LRP6: variants seen among roughly 807,000 people sequenced by gnomAD.
LRP6 encodes LDL receptor related protein 6, also known as low-density lipoprotein receptor-related protein 6.
LRP6 carries 43 observed loss-of-function variants against 184.1 expected under a neutral mutation model. The ratio of observed to expected loss-of-function variants is 0.23; its 90% CI spans 0.18 to 0.30. The LOEUF is 0.30. LRP6 is among the 10% of genes least tolerant of loss of function. The pLI, the probability that LRP6 is intolerant of heterozygous loss-of-function variation, is 1.00. For missense variants in LRP6, 1,571 were observed against 2,005.3 expected, an observed-to-expected ratio of 0.78 and a Z score of 4.14; for synonymous variants, 719 against 684.9, an observed-to-expected ratio of 1.05 and a Z score of -0.78.
Position 12,135,318 on chromosome 12 carries a change from G to T in LRP6, c.3608-18C>A, listed in dbSNP as rs780830479. 2.5e-6 allele frequency: 4 copies of T among 1,603,990 alleles called. No individual in the cohort carries two copies. The African/African-American group carries it at 5.4e-5, about 21-fold the overall frequency. On this transcript the variant is annotated intron_variant, in intron 16 of 22. Transcript: ENST00000261349. ...GTGCTGTCCTGCAAAGAGAAGAGGT[G>T]AGGATGGGGAGAGGAGGGGGAGTGG...
intron 2 of LRP6, chr12:12,210,893 G>A (rs1003078765): frequency 1.3e-5 from 2 of 152,198 alleles, no homozygotes; most frequent in East Asian, 1.9e-4. Context: ...CTCTTACTCC[G>A]GTTAGTAGAT....
At chr12:12,238,922 C>T (rs1864988171) in intron 2 of LRP6, among the ~76,000 whole-genome samples, 1 of 151,966 alleles carries the variant, frequency 6.6e-6, no homozygotes. Flanking sequence ...AGTAATTCAA[C>T]TCGTAAAAAA....
At chr12:12,199,994 A>AAAAAAAAAAAAAAAAAAAAAAAC (rs1863873112) in intron 3 of LRP6, among the ~76,000 whole-genome samples, 1 of 124,010 alleles carries the variant, frequency 8.1e-6, no homozygotes, top group African/African-American at 2.9e-5. Flanking sequence ...AAAAAAAAAA[A>AAAAAAAAAAAAAAAAAAAAAAAC]ACACAAGGCT....
At chr12:12,225,871 CAAAA>C (rs748835751) in intron 2 of LRP6, among the ~76,000 whole-genome samples, 1 of 117,102 alleles carries the variant, frequency 8.5e-6, no homozygotes. Context: ...GACTGTGTCT[CAAAA>C]AAAAAAAAAA....
intron 2 of LRP6, among the ~76,000 whole-genome samples, chr12:12,228,673 T>C (rs1234904688): frequency 6.6e-6 from 1 of 152,180 alleles, no homozygotes. Flanking sequence ...CGAACCTTAT[T>C]GTGAACAGCG....
chr12:12,125,222 T>C, intron 21 of LRP6, 74 bp downstream of exon 21: 2 of 1,557,064 alleles, frequency 1.3e-6, no homozygotes, highest in South Asian at 2.2e-5. Context: ...CTATCACTGA[T>C]CACCCACATT....
intron 14 of LRP6, among the ~76,000 whole-genome samples, chr12:12,148,376 CCT>C: frequency 1.3e-5 from 2 of 152,180 alleles, no homozygotes; most frequent in South Asian, 4.1e-4. Context: ...TCATCCTTTT[CCT>C]CTCTTTTGAA....
At chr12:12,133,092 A>G (rs1949780126) in intron 17 of LRP6, among the ~76,000 whole-genome samples, 1 of 152,232 alleles carries the variant, frequency 6.6e-6, no homozygotes, top group African/African-American at 2.4e-5. Context: ...ATTCAGCACT[A>G]TACTATCTAT....
At chr12:12,264,885 A>G (rs146240786) in intron 1 of LRP6, among the ~76,000 whole-genome samples, 20 of 152,336 alleles carry the variant, frequency 1.3e-4, no homozygotes, top group Admixed American at 1.2e-3. Context: ...AAACGAGACA[A>G]TTTAAACTAT....
intron 2 of LRP6, among the ~76,000 whole-genome samples, chr12:12,239,849 A>C (rs1316237950): frequency 2.0e-5 from 3 of 152,036 alleles, no homozygotes; most frequent in African/African-American, 7.2e-5. Context: ...TACTACAACT[A>C]CTCCCCTTCA....
intron 16 of LRP6, among the ~76,000 whole-genome samples, chr12:12,135,667 C>T (rs935306751): frequency 6.6e-6 from 1 of 151,334 alleles, no homozygotes; most frequent in African/African-American, 2.4e-5. Context: ...CCAATTTTTC[C>T]GTTTTTAGTA....
chr12:12,243,665 A>G (rs1038524426), intron 2 of LRP6, among the ~76,000 whole-genome samples: 2 of 152,172 alleles, frequency 1.3e-5, no homozygotes, highest in African/African-American at 2.4e-5. Flanking sequence ...TAATCCCAGC[A>G]CTTGGGGAGG....
intron 2 of LRP6, among the ~76,000 whole-genome samples, chr12:12,205,844 A>T (rs1404800468): frequency 4.6e-5 from 7 of 152,372 alleles, no homozygotes; most frequent in African/African-American, 9.6e-5. Context: ...ACAACAGTCA[A>T]ACACTACCCA....
chr12:12,256,584 AT>A (rs1865471186), intron 1 of LRP6, among the ~76,000 whole-genome samples: 1 of 152,152 alleles, frequency 6.6e-6, no homozygotes. Flanking sequence ...AGGCAGGCAG[AT>A]CACTTGAGGT....
At chr12:12,219,229 C>G (rs57682498) in intron 2 of LRP6, among the ~76,000 whole-genome samples, 8,014 of 152,174 alleles carry the variant, frequency 0.053, 711 homozygotes, top group African/African-American at 0.18. Flanking sequence ...TTTTTTGAGA[C>G]AGTCTCACTC....
At position 12,203,319 on chromosome 12, in the gene LRP6, T is replaced by C. The variant is rs754218119; in HGVS notation, c.531A>G (p.Ile177Met). 6.2e-7 allele frequency: 1 copy of C among 1,614,136 alleles called. No homozygotes were observed. The change falls in exon 3 of 23, where the codon ATA becomes ATG. Residue 177 changes from isoleucine (I) to methionine (M), a missense_variant. Physicochemically the swap from Ile to Met is conservative, Grantham distance 10. Coordinates refer to ENST00000261349, the MANE Select transcript of LRP6 (RefSeq NM_002336.3). ...GMDGSSRFII[I>M]NSEIYWPNGL... ...CATTTGGCCAGTAAATTTCACTGTT[T>C]ATTATAATGAAGCGACTTGAACCAT...
At chr12:12,125,560 C>G (rs992167066) in intron 20 of LRP6, 128 bp from the exon 21 acceptor site, 6 of 825,040 alleles carry the variant, frequency 7.3e-6, no homozygotes, top group Non-Finnish European at 9.9e-6. Context: ...AACTTACACT[C>G]TTTTCCTATA....
chr12:12,238,390 C>T (rs891118135), intron 2 of LRP6, among the ~76,000 whole-genome samples: 2 of 151,918 alleles, frequency 1.3e-5, no homozygotes, highest in African/African-American at 2.4e-5. Context: ...GATAAGAATT[C>T]TCTAGAATTA....
At chr12:12,202,500 G>A (rs1159294142) in intron 3 of LRP6, among the ~76,000 whole-genome samples, 5 of 152,172 alleles carry the variant, frequency 3.3e-5, no homozygotes, top group African/African-American at 7.2e-5. Context: ...CTGAGATCAC[G>A]CTACTGCATT....
Sources: allele counts gnomAD v4.1 joint callset (sites outside exome capture counted in the v4.1 genomes callset), GRCh38; gene constraint gnomAD v4.1.1; transcripts MANE v1.5; gene names NCBI Gene and HGNC (gene_info 2026-07-23, HGNC 2026-07-21).